ARL15: variants seen among roughly 807,000 people sequenced by gnomAD.
ARL15 encodes the protein ADP-ribosylation factor-like protein 15.
Under a neutral mutation model 25.2 loss-of-function variants are expected in ARL15, and 19 were observed. The observed-to-expected ratio is 0.75, with a 90% confidence interval of 0.53 to 1.10. The LOEUF is 1.10. Among genes scored for constraint, ARL15 ranks in the 50% least tolerant of loss-of-function variants. The pLI is 0.00. For missense variants in ARL15, 220 were observed against 246.0 expected (o/e 0.89, Z 0.71); for synonymous variants, 94 against 86.8 (o/e 1.08, Z -0.46).
intron 1 of ARL15, among the ~76,000 whole-genome samples, chr5:54,289,238 A>G (rs1758260519): frequency 6.6e-6 from 1 of 152,154 alleles, no homozygotes; most frequent in Non-Finnish European, 1.5e-5. Context: ...GTGCCCAGCC[A>G]TGTCCCATGC....
chr5:54,151,930 G>C (rs1389435204), intron 3 of ARL15, among the ~76,000 whole-genome samples: 1 of 152,054 alleles, frequency 6.6e-6, no homozygotes, highest in East Asian at 1.9e-4. Flanking sequence ...ACATTAGCAG[G>C]GAGAACAGGG....
intron 4 of ARL15, among the ~76,000 whole-genome samples, chr5:54,082,946 G>C (rs906598980): frequency 2.0e-5 from 3 of 152,110 alleles, no homozygotes; most frequent in South Asian, 4.2e-4. Context: ...TGGAGGAGTG[G>C]CTACCTTTGT....
chr5:53,963,811 A>T (rs1158733271), intron 4 of ARL15, among the ~76,000 whole-genome samples: 11 of 65,022 alleles, frequency 1.7e-4, no homozygotes, highest in Admixed American at 2.3e-4. Flanking sequence ...TCCATCACAC[A>T]CACACACACA....
intron 1 of ARL15, among the ~76,000 whole-genome samples, chr5:54,258,739 A>C (rs538698562): frequency 6.6e-6 from 1 of 152,250 alleles, no homozygotes; most frequent in Admixed American, 6.5e-5. Flanking sequence ...ATGAAATGAA[A>C]AACAGATTCT....
At chr5:54,056,985 C>T (rs976880319) in intron 4 of ARL15, among the ~76,000 whole-genome samples, 3 of 151,400 alleles carry the variant, frequency 2.0e-5, no homozygotes, top group Admixed American at 6.6e-5. Flanking sequence ...TGAACATACA[C>T]ATACGAACAT....
At chr5:54,106,653 A>C (rs1752597561) in intron 4 of ARL15, among the ~76,000 whole-genome samples, 1 of 152,176 alleles carries the variant, frequency 6.6e-6, no homozygotes, top group African/African-American at 2.4e-5. Flanking sequence ...ATTGACAAAT[A>C]GACTATACGT....
In ARL15 at chr5:53,916,214, A is replaced by G. The variant is rs149319068; in HGVS notation, c.463-29501T>C. 1.8e-3 allele frequency among the ~76,000 whole-genome samples: 281 copies of G among 152,024 alleles called. 1 individual carries two copies. Among genetic ancestry groups the G allele is most frequent in the Non-Finnish European group, 3.1e-3 (212 of 67,972 alleles). The stretch of plus-strand genomic sequence containing the variant: ...CTGAAATTCTAAACGTACTCACAAA[A>G]TACCCAGAACAGATTTAATTCAGAG... On this transcript the variant is annotated intron_variant, in intron 4 of 4. Coordinates refer to ENST00000504924, the MANE Select transcript of ARL15 (RefSeq NM_019087.3).
chr5:54,030,493 G>A (rs1157595867), intron 4 of ARL15, among the ~76,000 whole-genome samples: 1 of 152,178 alleles, frequency 6.6e-6, no homozygotes, highest in Admixed American at 6.5e-5. Flanking sequence ...GAAACAGAGA[G>A]ATGTGATAGG....
chr5:54,243,651 G>A (rs1201879582), intron 1 of ARL15, among the ~76,000 whole-genome samples: 1 of 152,198 alleles, frequency 6.6e-6, no homozygotes, highest in Non-Finnish European at 1.5e-5. Context: ...TAATGAACCT[G>A]AAGGAACGAG....
In ARL15 at chr5:54,269,227, TAA is replaced by T. The variant is rs1561289620; in HGVS notation, c.48+41203_48+41204del. Among the ~76,000 whole-genome samples the T allele has an allele frequency of 2.8e-4, 42 of 151,662 alleles. 1 individual carries two copies. In the Middle Eastern group the frequency reaches 0.024, roughly 86 times the overall value. On this transcript the variant is annotated intron_variant, in intron 1 of 4. Transcript: ENST00000504924. Reference sequence around the variant, plus strand: ...CCTAAAACTTAAAGTATAATAAGAATAAAATAAAATAAAATAAAATAAAAGAA... The same window carrying T: ...CCTAAAACTTAAAGTATAATAAGAATAATAAAATAAAATAAAATAAAAGAA...
intron 4 of ARL15, among the ~76,000 whole-genome samples, chr5:53,908,244 AG>A (rs1185035316): frequency 7.2e-5 from 11 of 152,194 alleles, no homozygotes; most frequent in African/African-American, 2.7e-4. Context: ...ATGTATATAT[AG>A]GAAAAAAATA....
chr5:54,246,327 T>G (rs1757085726), intron 1 of ARL15, among the ~76,000 whole-genome samples: 1 of 152,078 alleles, frequency 6.6e-6, no homozygotes, highest in Non-Finnish European at 1.5e-5. Flanking sequence ...TCCGACAACT[T>G]GCCCACTCCC....
intron 4 of ARL15, chr5:53,911,891 A>C (rs1745475370): frequency 6.6e-6 from 1 of 152,230 alleles, no homozygotes. Context: ...AGGTGTCTTT[A>C]GCCATAGGAT....
chr5:54,208,971 GA>G (rs1398949671), intron 1 of ARL15, among the ~76,000 whole-genome samples: 1 of 152,184 alleles, frequency 6.6e-6, no homozygotes, highest in Admixed American at 6.5e-5. Context: ...AAGAGAGACA[GA>G]ATATTGACTG....
intron 3 of ARL15, among the ~76,000 whole-genome samples, chr5:54,137,048 C>CTT (rs879572324): frequency 2.1e-5 from 3 of 141,004 alleles, no homozygotes; most frequent in Non-Finnish European, 1.6e-5. Context: ...AGTAGATAAC[C>CTT]TTTTTTTTTT....
At chr5:54,026,376 C>A (rs1352151575) in intron 4 of ARL15, among the ~76,000 whole-genome samples, 1 of 152,140 alleles carries the variant, frequency 6.6e-6, no homozygotes, top group Non-Finnish European at 1.5e-5. Flanking sequence ...TCAGGTGATC[C>A]TCCCAACTCA....
chr5:54,293,122 C>T (rs1188343591), intron 1 of ARL15, among the ~76,000 whole-genome samples: 1 of 152,176 alleles, frequency 6.6e-6, no homozygotes, highest in Non-Finnish European at 1.5e-5. Context: ...TATGTTCTGC[C>T]TTCTCACTGA....
At chr5:54,211,839 G>A (rs1291380081) in intron 1 of ARL15, among the ~76,000 whole-genome samples, 1 of 152,052 alleles carries the variant, frequency 6.6e-6, no homozygotes, top group Non-Finnish European at 1.5e-5. Context: ...GTTCAGGAAG[G>A]AAATAAAGAG....
At chr5:54,190,895 T>C (rs556163448) in intron 1 of ARL15, among the ~76,000 whole-genome samples, 4 of 152,268 alleles carry the variant, frequency 2.6e-5, no homozygotes, top group African/African-American at 9.6e-5. Context: ...AAAAACAATA[T>C]GGCAGTACCT....
Sources: allele counts gnomAD v4.1 joint callset (sites outside exome capture counted in the v4.1 genomes callset), GRCh38; gene constraint gnomAD v4.1.1; transcripts MANE v1.5; gene names NCBI Gene and HGNC (gene_info 2026-07-23, HGNC 2026-07-21).